ZNF414: variants seen among roughly 807,000 people sequenced by gnomAD.
The protein encoded by ZNF414 is zinc finger protein 414.
ZNF414 carries 32 observed loss-of-function variants against 38.3 expected under a neutral mutation model. That is an observed-to-expected ratio of 0.83 (90% CI 0.63 to 1.12). The LOEUF (loss-of-function observed/expected upper bound fraction) is 1.12, where lower values mean the gene tolerates loss of function less well. Ranked by LOEUF, ZNF414 falls within the 50% of genes most tolerant of loss-of-function variation. The pLI is 0.00. For missense variants in ZNF414, 589 were observed against 557.4 expected (o/e 1.06, Z -0.57); for synonymous variants, 256 against 248.0 (o/e 1.03, Z -0.30).
rs1971904058 is a variant in ZNF414 at position 8,510,885 on chromosome 19, G to T, written c.1065C>A (p.Pro355=). ...CGTCGGGGCGCGGCGGCCCGGCCGC[G>T]GGGGCCGCGGGGGCGCCGGGGCGGT... ...EDHRPGAPAA[P]AAGPPRPDAP... Residue 355 remains proline, a synonymous_variant, in exon 7 of 8, where the codon CCC becomes CCA. Transcript: ENST00000393927. The T allele has an allele frequency of 1.8e-6, 2 of 1,120,402 alleles. No individual in the cohort carries two copies. Among genetic ancestry groups the T allele is most frequent in the African/African-American group, 3.3e-5 (2 of 60,022 alleles). The allele number at this position is 1,120,402 out of a possible 1,614,324, so 69.4% of individuals were successfully genotyped here. A position where few individuals can be genotyped will look rare whatever the true frequency, so the allele number is the denominator to read the frequency against.
At chr19:8,513,804 G>A (rs1971952211) in intron 1 of ZNF414, among the ~76,000 whole-genome samples, 1 of 152,200 alleles carries the variant, frequency 6.6e-6, no homozygotes, top group Non-Finnish European at 1.5e-5. Flanking sequence ...CGAGCAGTGT[G>A]GACAATCTTG....
intron 1 of ZNF414, 41 bp from the exon 2 acceptor site, chr19:8,513,382 G>A: frequency 6.6e-7 from 1 of 1,515,298 alleles, no homozygotes; most frequent in Non-Finnish European, 8.8e-7. Context: ...TCTGGGCTCT[G>A]GGTCAACCCA....
In ZNF414 at chr19:8,510,464, G is replaced by T; in HGVS notation, c.*227C>A. ...GTGATGGGAAGACAGGACACAGGTGGGCTGTGAGGCCTGCACCTGTGGACC... is the reference window on the plus strand; with the variant it reads ...GTGATGGGAAGACAGGACACAGGTGTGCTGTGAGGCCTGCACCTGTGGACC... On this transcript the variant is annotated 3_prime_UTR_variant, in exon 8 of 8. Transcript: ENST00000393927. 2.5e-6 allele frequency: 1 copy of T among 401,694 alleles called. No individual in the cohort carries two copies. The highest frequency in any genetic ancestry group is 4.5e-6 in the Non-Finnish European group (1 of 222,522). 24.9% of individuals were successfully genotyped at this position (401,694 alleles called of 1,614,324 possible).
At chr19:8,512,021 T>C in intron 4 of ZNF414, 61 bp from the exon 5 acceptor site, 2 of 1,398,576 alleles carry the variant, frequency 1.4e-6, no homozygotes, top group East Asian at 5.1e-5. Flanking sequence ...GAGAGTGTCC[T>C]GTGCAATGCC....
chr19:8,511,540 C>T lies in ZNF414; in HGVS notation c.875-4G>A, dbSNP rs377221708. On this transcript the variant is annotated splice_region_variant and splice_polypyrimidine_tract_variant and intron_variant, in intron 5 of 7. Transcript: ENST00000393927. ...CTTCGGGGGCTGCTGCCAGCACCTG[C>T]GGTAAAGGGGCGGGTCAAGTTCAGA... The T allele has an allele frequency of 6.3e-7, 1 of 1,597,218 alleles. No individual in the cohort carries two copies. The highest frequency in any genetic ancestry group is 1.1e-5 in the South Asian group (1 of 89,636).
At chr19:8,512,065 C>T (rs764543087) in intron 4 of ZNF414, 105 bp from the exon 5 acceptor site, 14 of 1,399,272 alleles carry the variant, frequency 1.0e-5, no homozygotes, top group Non-Finnish European at 2.8e-6. Context: ...GGAGCCTGGG[C>T]ACTAATCACC....
chr19:8,513,944 A>C, intron 1 of ZNF414, 100 bp downstream of exon 1: 1 of 1,291,508 alleles, frequency 7.7e-7, no homozygotes, highest in Non-Finnish European at 9.9e-7. Flanking sequence ...GGGTGCCCGG[A>C]TGTGGGGGCG....
chr19:8,512,271 G>A, intron 4 of ZNF414, 116 bp downstream of exon 4: 2 of 1,477,966 alleles, frequency 1.4e-6, no homozygotes, highest in South Asian at 1.3e-5. Flanking sequence ...TTCCCCAAAG[G>A]CCCACCCACA....
chr19:8,512,818 C>G, intron 2 of ZNF414, 107 bp from the exon 3 acceptor site: 1 of 1,228,480 alleles, frequency 8.1e-7, no homozygotes, highest in East Asian at 2.6e-5. Context: ...GGGGCCTTTA[C>G]TCTCTGCCTA....
At chr19:8,511,380 C>A in intron 6 of ZNF414, 106 bp downstream of exon 6, 2 of 1,502,692 alleles carry the variant, frequency 1.3e-6, no homozygotes, top group Non-Finnish European at 1.8e-6. Flanking sequence ...GCATTTGTGC[C>A]CCCTGGGAAG....
Position 8,511,854 on chromosome 19 carries a change from G to T in ZNF414, c.637C>A (p.Leu213Met). ...QSPAPPPPPALDREPPAPERP... is the reference protein window; with the variant it reads ...QSPAPPPPPAMDREPPAPERP... ...TCCGGCGCGGGCGGCTCTCGGTCCA[G>T]GGCCGGGGGTGGCGGCGGGGCTGGG... Residue 213 changes from leucine (L) to methionine (M), a missense_variant, in exon 5 of 8, where the codon CTG becomes ATG. Coordinates refer to ENST00000393927, the MANE Select transcript of ZNF414 (RefSeq NM_001146175.2). 7.1e-7 allele frequency: 1 copy of T among 1,405,132 alleles called. No homozygotes were observed. The allele number at this position is 1,405,132 out of a possible 1,614,324, so 87.0% of individuals were successfully genotyped here. A position where few individuals can be genotyped will look rare whatever the true frequency, so the allele number is the denominator to read the frequency against.
chr19:8,514,081 C>A lies in ZNF414; in HGVS notation c.-35G>T. The A allele has an allele frequency of 6.8e-7, 1 of 1,464,786 alleles. No individual in the cohort carries two copies. The allele number at this position is 1,464,786 out of a possible 1,614,324, so 90.7% of individuals were successfully genotyped here. On this transcript the variant is annotated 5_prime_UTR_variant, in exon 1 of 8. Coordinates refer to ENST00000393927, the MANE Select transcript of ZNF414 (RefSeq NM_001146175.2). Reference sequence around the variant, plus strand: ...GGCTCGGCCTCTTGTTTCTGCGGCTCCGGCGGCTGCAGCTTAGGCGGCGGC... The same window carrying A: ...GGCTCGGCCTCTTGTTTCTGCGGCTACGGCGGCTGCAGCTTAGGCGGCGGC...
At position 8,510,665 on chromosome 19, in the gene ZNF414, A is replaced by T; in HGVS notation, c.*26T>A. 1 of 1,494,346 alleles carries T rather than the reference A, an allele frequency of 6.7e-7. No homozygotes were observed. The highest frequency in any genetic ancestry group is 9.0e-7 in the Non-Finnish European group (1 of 1,111,658). 92.6% of individuals were successfully genotyped at this position (1,494,346 alleles called of 1,614,324 possible). On this transcript the variant is annotated 3_prime_UTR_variant, in exon 8 of 8. Coordinates refer to ENST00000393927, the MANE Select transcript of ZNF414 (RefSeq NM_001146175.2). Reference sequence around the variant, plus strand: ...CAAATGACAAAACTACCCACATCCCATGGCCCACCCCCAAAGCGGCGGGAT... The same window carrying T: ...CAAATGACAAAACTACCCACATCCCTTGGCCCACCCCCAAAGCGGCGGGAT...
At chr19:8,513,988 G>A in intron 1 of ZNF414, 56 bp downstream of exon 1, 1 of 1,393,810 alleles carries the variant, frequency 7.2e-7, no homozygotes, top group Non-Finnish European at 9.3e-7. Flanking sequence ...CGACAGGGCC[G>A]CTCCCCGCCA....
Position 8,511,022 on chromosome 19 carries a change from G to C in ZNF414, c.928C>G (p.His310Asp). ...PQGGSDAPSG[H>D]AAPSRIVWEH... ...CACACGATGCGGCTCGGGGCCGCGTGCCCTGCGGGCAGGCGGGACCCCGTC... is the reference window on the plus strand; with the variant it reads ...CACACGATGCGGCTCGGGGCCGCGTCCCCTGCGGGCAGGCGGGACCCCGTC... Residue 310 changes from histidine to aspartate, a missense_variant and splice_region_variant, in exon 7 of 8, where the codon CAC (histidine) becomes GAC (aspartate). Physicochemically the swap from His to Asp is moderately conservative, Grantham distance 81 (BLOSUM62 -1). Coordinates refer to ENST00000393927, the MANE Select transcript of ZNF414 (RefSeq NM_001146175.2). 7.8e-7 allele frequency: 1 copy of C among 1,278,234 alleles called. No individual in the cohort carries two copies. The highest frequency in any genetic ancestry group is 9.9e-7 in the Non-Finnish European group (1 of 1,012,564). 79.2% of individuals were successfully genotyped at this position (1,278,234 alleles called of 1,614,324 possible).
intron 6 of ZNF414, 103 bp from the exon 7 acceptor site, chr19:8,511,127 G>A (rs1028877954): frequency 4.3e-5 from 55 of 1,271,640 alleles, no homozygotes; most frequent in Non-Finnish European, 5.1e-5. Context: ...ACTTTTTCCC[G>A]CCCCCCATCA....
At chr19:8,513,464 T>G (rs1971947753) in intron 1 of ZNF414, 123 bp from the exon 2 acceptor site, 1 of 961,278 alleles carries the variant, frequency 1.0e-6, no homozygotes, top group Admixed American at 3.3e-5. Flanking sequence ...TAAGCTCTTT[T>G]TTTCTTTTTA....
rs911793653 is a variant in ZNF414 at position 8,510,176 on chromosome 19, G to A, written c.*515C>T. ...ATAGTGGTGGGCACCTGTAATCCCA[G>A]CTACTTGGGAGGCTGAAGCAGGAGA... On this transcript the variant is annotated 3_prime_UTR_variant, in exon 8 of 8. Transcript: ENST00000393927. 4 of 151,782 alleles carry A rather than the reference G, an allele frequency of 2.6e-5. No individual in the cohort carries two copies. Among genetic ancestry groups the A allele is most frequent in the African/African-American group, 9.7e-5 (4 of 41,358 alleles). The allele number at this position is 151,782 out of a possible 1,614,324, so 9.4% of individuals were successfully genotyped here. A position where few individuals can be genotyped will look rare whatever the true frequency, so the allele number is the denominator to read the frequency against.
Position 8,514,073 on chromosome 19 carries a change from C to T in ZNF414, c.-27G>A, listed in dbSNP as rs1047888695. Reference sequence around the variant, plus strand: ...TTCGACACGGCTCGGCCTCTTGTTTCTGCGGCTCCGGCGGCTGCAGCTTAG... The same window carrying T: ...TTCGACACGGCTCGGCCTCTTGTTTTTGCGGCTCCGGCGGCTGCAGCTTAG... On this transcript the variant is annotated 5_prime_UTR_variant, in exon 1 of 8. Coordinates refer to ENST00000393927, the MANE Select transcript of ZNF414 (RefSeq NM_001146175.2). 4 of 1,470,616 alleles carry T rather than the reference C, an allele frequency of 2.7e-6. No individual in the cohort carries two copies. Among genetic ancestry groups the T allele is most frequent in the Admixed American group, 2.4e-5 (1 of 41,610 alleles). 91.1% of individuals were successfully genotyped at this position (1,470,616 alleles called of 1,614,324 possible).
Sources: gnomAD v4.1 joint callset for allele counts (sites outside exome capture counted in the v4.1 genomes callset) on GRCh38, gnomAD v4.1.1 for gene constraint, MANE v1.5 for transcripts, NCBI Gene and HGNC (gene_info 2026-07-23, HGNC 2026-07-21) for gene names.